The following GRB10 variants were observed in gnomAD, a reference collection of about 807,000 sequenced individuals.
GRB10 encodes growth factor receptor bound protein 10.
In GRB10, 20 loss-of-function variants were observed where a neutral mutation model predicts 80.9. The observed-to-expected ratio is 0.25, with a 90% CI of 0.17 to 0.36. The LOEUF is 0.36. Ranked by LOEUF, GRB10 falls within the 10% of genes least tolerant of loss-of-function variation. The pLI, the probability that GRB10 is intolerant of heterozygous loss-of-function variation, is 1.00. For missense variants in GRB10, 548 were observed against 747.7 expected (o/e 0.73, Z 3.12); for synonymous variants, 291 against 291.5 (o/e 1.00, Z 0.02).
At chr7:50,643,160 T>C (rs2056588456) in intron 7 of GRB10, among the ~76,000 whole-genome samples, 1 of 152,162 alleles carries the variant, frequency 6.6e-6, no homozygotes, top group South Asian at 2.1e-4. Flanking sequence ...GGCCAACTTT[T>C]TGTAAATTTG....
intron 5 of GRB10, among the ~76,000 whole-genome samples, chr7:50,685,550 G>A (rs1349029051): frequency 6.6e-6 from 1 of 152,210 alleles, no homozygotes; most frequent in Non-Finnish European, 1.5e-5. Context: ...GTCAAGGGAA[G>A]TGCAGAGTCG....
intron 5 of GRB10, among the ~76,000 whole-genome samples, chr7:50,684,917 G>A (rs941764141): frequency 8.5e-5 from 13 of 152,140 alleles, no homozygotes; most frequent in Non-Finnish European, 1.8e-4. Context: ...TTGTCATTCT[G>A]GAAGGTTCTC....
upstream of GRB10, among the ~76,000 whole-genome samples, chr7:50,785,825 C>G (rs768093907): frequency 6.6e-6 from 1 of 151,956 alleles, no homozygotes; most frequent in East Asian, 1.9e-4. Flanking sequence ...AGAGAAGAAA[C>G]GATACACAAA....
chr7:50,764,062 C>G (rs1474346993), intron 2 of GRB10, among the ~76,000 whole-genome samples: 1 of 152,216 alleles, frequency 6.6e-6, no homozygotes, highest in Non-Finnish European at 1.5e-5. Flanking sequence ...GGTTCTCAGA[C>G]TCTATCCTCC....
chr7:50,785,098 C>T (rs1210857998), upstream of GRB10, among the ~76,000 whole-genome samples: 1 of 152,170 alleles, frequency 6.6e-6, no homozygotes, highest in Non-Finnish European at 1.5e-5. Flanking sequence ...ACCACCATCC[C>T]CAGCAGCTCC....
intron 17 of GRB10, 71 bp from the exon 18 acceptor site, chr7:50,595,601 T>TAACACACACACA: frequency 3.8e-5 from 21 of 556,328 alleles, no homozygotes; most frequent in East Asian, 1.1e-4. Context: ...ACACACTCTC[T>TAACACACACACA]TACACACACA....
chr7:50,740,423 G>T (rs182895173), intron 3 of GRB10, among the ~76,000 whole-genome samples: 28 of 152,282 alleles, frequency 1.8e-4, no homozygotes, highest in Admixed American at 1.8e-3. Context: ...ACTAATAAGG[G>T]TAAGTTGTAC....
At chr7:50,747,297 G>A (rs1346557935) in intron 3 of GRB10, among the ~76,000 whole-genome samples, 1 of 152,178 alleles carries the variant, frequency 6.6e-6, no homozygotes, top group Non-Finnish European at 1.5e-5. Context: ...TGCTTTTGAG[G>A]AGGAAACCCG....
chr7:50,634,491 C>T (rs2529384), intron 7 of GRB10, among the ~76,000 whole-genome samples: 80,182 of 151,976 alleles, frequency 0.53, 21,289 homozygotes, highest in Admixed American at 0.54. Context: ...ACTGAGACTA[C>T]AAATAAACCA....
intron 3 of GRB10, among the ~76,000 whole-genome samples, chr7:50,749,260 C>G (rs2073703486): frequency 6.6e-6 from 1 of 151,668 alleles, no homozygotes; most frequent in Admixed American, 6.6e-5. Flanking sequence ...TCCAGAGTAG[C>G]TGGGATTATA....
chr7:50,697,353 G>A (rs1014162962), intron 5 of GRB10, among the ~76,000 whole-genome samples: 1 of 152,144 alleles, frequency 6.6e-6, no homozygotes, highest in Non-Finnish European at 1.5e-5. Flanking sequence ...AGTAATTCCA[G>A]CTATTGCAAA....
intron 4 of GRB10, chr7:50,726,179 C>T (rs1587538591): frequency 1.3e-5 from 2 of 152,282 alleles, no homozygotes; most frequent in East Asian, 3.8e-4. Context: ...GGGCAGACTA[C>T]TTGAGACCAG....
intron 2 of GRB10, among the ~76,000 whole-genome samples, chr7:50,763,178 A>G (rs2075954066): frequency 6.6e-6 from 1 of 152,236 alleles, no homozygotes; most frequent in African/African-American, 2.4e-5. Flanking sequence ...AACAATCTGA[A>G]TTTAATCTCT....
At chr7:50,602,829 T>C (rs541633650) in intron 17 of GRB10, among the ~76,000 whole-genome samples, 3 of 152,282 alleles carry the variant, frequency 2.0e-5, no homozygotes, top group African/African-American at 7.2e-5. Context: ...AGGGTCCTTA[T>C]TTTTTTAGAG....
intron 7 of GRB10, among the ~76,000 whole-genome samples, chr7:50,651,116 C>A (rs961662301): frequency 2.0e-5 from 3 of 152,156 alleles, no homozygotes; most frequent in Non-Finnish European, 4.4e-5. Flanking sequence ...TTTTTCTATT[C>A]CTCCTACGGT....
At chr7:50,708,675 T>C (rs143444725) in intron 4 of GRB10, among the ~76,000 whole-genome samples, 29 of 4,492 alleles carry the variant, frequency 6.5e-3, no homozygotes, top group Middle Eastern at 0.12. Flanking sequence ...GTGAGTCTGT[T>C]TTTTTTTTTT....
At chr7:50,608,820 C>T (rs1458410880) in intron 13 of GRB10, among the ~76,000 whole-genome samples, 10 of 151,948 alleles carry the variant, frequency 6.6e-5, no homozygotes, top group African/African-American at 2.4e-4. Flanking sequence ...CAAAAATTAG[C>T]TGGGCATGGA....
chr7:50,673,759 C>T (rs192963678), intron 6 of GRB10, among the ~76,000 whole-genome samples: 3 of 152,284 alleles, frequency 2.0e-5, no homozygotes, highest in Admixed American at 1.3e-4. Context: ...GTCCAGAACT[C>T]TTTCTCACGT....
At chr7:50,668,974 T>C (rs947512423) in intron 7 of GRB10, among the ~76,000 whole-genome samples, 5 of 152,242 alleles carry the variant, frequency 3.3e-5, no homozygotes, top group Admixed American at 2.6e-4. Flanking sequence ...GCGGGTCCAA[T>C]GGAAACTCTT....
Sources: gnomAD v4.1 joint callset for allele counts (sites outside exome capture counted in the v4.1 genomes callset) on GRCh38, gnomAD v4.1.1 for gene constraint, MANE v1.5 for transcripts, NCBI Gene and HGNC (gene_info 2026-07-23, HGNC 2026-07-21) for gene names.